Variants in CHN2 observed in about 807,000 individuals in gnomAD.
The protein encoded by CHN2 is chimerin 2.
In CHN2, 35 loss-of-function variants were observed where a neutral mutation model predicts 56.3. That is an observed-to-expected ratio of 0.62 (90% CI 0.47 to 0.82). CHN2 has a LOEUF of 0.82. Among genes scored for constraint, CHN2 ranks in the 40% least tolerant of loss-of-function variants. The pLI is 0.00. For synonymous variants in CHN2, 210 were observed against 212.8 expected (o/e 0.99, Z 0.12); for missense variants, 491 against 580.5 (o/e 0.85, Z 1.58).
intron 2 of CHN2, among the ~76,000 whole-genome samples, chr7:29,189,610 CAT>C (rs1322764615): frequency 6.6e-6 from 1 of 152,146 alleles, no homozygotes; most frequent in Admixed American, 6.5e-5. Context: ...CAGAAGAAAA[CAT>C]ATTCAATGAG....
At chr7:29,474,482 A>G (rs934301585) in intron 6 of CHN2, among the ~76,000 whole-genome samples, 7 of 152,136 alleles carry the variant, frequency 4.6e-5, no homozygotes, top group Non-Finnish European at 1.0e-4. Flanking sequence ...TTCCAGACAC[A>G]GGCCAGTTCA....
chr7:29,372,623 C>T (rs547723545), intron 3 of CHN2, among the ~76,000 whole-genome samples: 10 of 152,160 alleles, frequency 6.6e-5, no homozygotes, highest in East Asian at 3.9e-4. Context: ...AAAAGGATAG[C>T]GATTGCTAGC....
chr7:29,361,957 T>C (rs1430088723), intron 2 of CHN2, among the ~76,000 whole-genome samples: 2 of 152,190 alleles, frequency 1.3e-5, no homozygotes, highest in African/African-American at 4.8e-5. Context: ...CTTCCTTGTC[T>C]CCAGTGTTCC....
At chr7:29,174,055 A>G (rs1221121384) in intron 2 of CHN2, among the ~76,000 whole-genome samples, 1 of 152,160 alleles carries the variant, frequency 6.6e-6, no homozygotes, top group African/African-American at 2.4e-5. Flanking sequence ...ACACACTCCC[A>G]AGCTTCTCTT....
At chr7:29,416,783 T>C (rs1241375949) in intron 6 of CHN2, among the ~76,000 whole-genome samples, 1 of 140,422 alleles carries the variant, frequency 7.1e-6, no homozygotes, top group Admixed American at 6.9e-5. Context: ...CGTGTATATG[T>C]GTATGTATAT....
At chr7:29,180,114 C>T (rs181462597) in intron 2 of CHN2, among the ~76,000 whole-genome samples, 4 of 152,028 alleles carry the variant, frequency 2.6e-5, no homozygotes, top group Admixed American at 6.6e-5. Context: ...CTTAATATTC[C>T]GAAGTCAATC....
rs113819931 is a variant in CHN2 at position 29,507,679 on chromosome 7, A to G, written c.1129+314A>G. On this transcript the variant is annotated intron_variant, in intron 11 of 12. Coordinates refer to ENST00000222792, the MANE Select transcript of CHN2 (RefSeq NM_004067.4). ...TCTGTAGCAGAAAAAAAAGTCTTCA[A>G]TGAGGACTGACTAGATCATGGGTAT... Among the ~76,000 whole-genome samples, 10 of 152,362 alleles carry G rather than the reference A, an allele frequency of 6.6e-5. No individual in the cohort carries two copies. The East Asian group carries it at 1.2e-3, about 18-fold the overall frequency.
intron 1 of CHN2, among the ~76,000 whole-genome samples, chr7:29,230,498 G>A (rs781664202): frequency 2.0e-5 from 3 of 152,006 alleles, no homozygotes; most frequent in East Asian, 1.9e-4. Flanking sequence ...GTGCCACCAC[G>A]CCTGGCTAAA....
chr7:29,156,819 A>C (rs1000647345), intron 2 of CHN2, among the ~76,000 whole-genome samples: 1 of 27,014 alleles, frequency 3.7e-5, no homozygotes, highest in African/African-American at 4.2e-4. Flanking sequence ...TCTTTATCAA[A>C]ACTGACAGTG....
intron 3 of CHN2, among the ~76,000 whole-genome samples, chr7:29,384,555 G>A (rs1052894564): frequency 1.3e-5 from 2 of 152,160 alleles, no homozygotes; most frequent in Non-Finnish European, 2.9e-5. Flanking sequence ...AAGGTCAATA[G>A]GACTGAACTG....
chr7:29,382,787 A>C (rs1363846348), intron 3 of CHN2, among the ~76,000 whole-genome samples: 1 of 152,210 alleles, frequency 6.6e-6, no homozygotes, highest in African/African-American at 2.4e-5. Context: ...TAAATCAGTG[A>C]GATTTTGCCA....
chr7:29,503,747 A>C (rs561364742), intron 9 of CHN2, among the ~76,000 whole-genome samples: 127 of 152,348 alleles, frequency 8.3e-4, no homozygotes, highest in African/African-American at 2.7e-3. Flanking sequence ...AAATGAAAAA[A>C]CAGGAGAATA....
At chr7:29,330,380 G>A (rs1369114178) in intron 1 of CHN2, among the ~76,000 whole-genome samples, 1 of 152,222 alleles carries the variant, frequency 6.6e-6, no homozygotes, top group East Asian at 1.9e-4. Context: ...TGTGAGTACA[G>A]TTGGGAATTG....
chr7:29,485,679 C>A (rs138794443), intron 7 of CHN2, among the ~76,000 whole-genome samples: 413 of 152,234 alleles, frequency 2.7e-3, no homozygotes, highest in South Asian at 6.2e-3. Context: ...GTGCCAGGAG[C>A]GAATAAGGTG....
intron 1 of CHN2, among the ~76,000 whole-genome samples, chr7:29,327,227 G>A (rs187338931): frequency 6.6e-6 from 1 of 152,316 alleles, no homozygotes; most frequent in African/African-American, 2.4e-5. Flanking sequence ...ACAGAAGTGA[G>A]CTCCCCAGAC....
chr7:29,378,484 A>G (rs1181112591), intron 3 of CHN2, among the ~76,000 whole-genome samples: 2 of 152,196 alleles, frequency 1.3e-5, no homozygotes, highest in African/African-American at 2.4e-5. Flanking sequence ...GTTTTGGTAA[A>G]TAAAGTTTTA....
rs753388156 is a variant in CHN2 at position 29,368,030 on chromosome 7, G to A, written c.144+43G>A. ...TCCAATACACCTTGTTAAATATGAT[G>A]AATTGTCAGCACTATGTAGAGAGTG... is the stretch of plus-strand genomic sequence containing the variant. On this transcript the variant is annotated intron_variant, in intron 3 of 12. Transcript: ENST00000222792. 9 of 1,542,336 alleles carry A rather than the reference G, an allele frequency of 5.8e-6. No individual in the cohort carries two copies. The South Asian group carries it at 1.1e-4, about 18-fold the overall frequency.
At chr7:29,419,952 C>A (rs182499721) in intron 6 of CHN2, among the ~76,000 whole-genome samples, 206 of 151,602 alleles carry the variant, frequency 1.4e-3, no homozygotes, top group Non-Finnish European at 2.4e-3. Flanking sequence ...CCCAGCTACT[C>A]GGGAGGCCGA....
At chr7:29,365,857 A>G (rs1490316895) in intron 2 of CHN2, among the ~76,000 whole-genome samples, 4 of 152,192 alleles carry the variant, frequency 2.6e-5, no homozygotes, top group Non-Finnish European at 4.4e-5. Flanking sequence ...TCTAGCCACC[A>G]GGGAAAAAAC....
Sources: gnomAD v4.1 joint callset for allele counts (sites outside exome capture counted in the v4.1 genomes callset) on GRCh38, gnomAD v4.1.1 for gene constraint, MANE v1.5 for transcripts, NCBI Gene and HGNC (gene_info 2026-07-23, HGNC 2026-07-21) for gene names.